CNTNAP3: variants seen among roughly 807,000 people sequenced by gnomAD.
CNTNAP3 encodes the protein contactin associated protein family member 3.
Under a neutral mutation model 92.1 loss-of-function variants are expected in CNTNAP3, and 36 were observed. The observed-to-expected ratio is 0.39, with a 90% CI of 0.30 to 0.52. CNTNAP3 has a LOEUF of 0.52. Ranked by LOEUF, CNTNAP3 falls within the 20% of genes least tolerant of loss-of-function variation. CNTNAP3 has a pLI of 0.76. For synonymous variants in CNTNAP3, 232 were observed against 422.3 expected (o/e 0.55, Z 5.53); for missense variants, 534 against 1,069.6 (o/e 0.50, Z 6.98).
At chr9:39,118,034 T>A in intron 14 of CNTNAP3, 69 bp downstream of exon 14, 1 of 1,586,202 alleles carries the variant, frequency 6.3e-7, no homozygotes. Context: ...TTGTCTGACA[T>A]TTAATTAACT....
In CNTNAP3 at chr9:39,067,184, C is replaced by T. The variant is rs1441896506; in HGVS notation, c.*6706G>A. Among the ~76,000 whole-genome samples, 2 of 152,310 alleles carry T rather than the reference C, an allele frequency of 1.3e-5. No homozygotes were observed. Among genetic ancestry groups the T allele is most frequent in the Non-Finnish European group, 2.9e-5 (2 of 68,058 alleles). ...TAATCTTATACATTAACATTGTCAT[C>T]TCTCGAAGTTTAATTAAAGCCTTTT... On this transcript the variant is annotated 3_prime_UTR_variant, in exon 24 of 24. Transcript: ENST00000297668.
At position 39,108,182 on chromosome 9, in the gene CNTNAP3, G is replaced by A. The variant is rs116595461; in HGVS notation, c.2365+978C>T. Among the ~76,000 whole-genome samples the A allele has an allele frequency of 2.4e-3, 372 of 152,158 alleles. 3 individuals are homozygous for A. The highest frequency in any genetic ancestry group is 8.5e-3 in the African/African-American group (353 of 41,518). On this transcript the variant is annotated intron_variant, in intron 15 of 23. Transcript: ENST00000297668. Reference sequence around the variant, plus strand: ...ACACAATCCATCAGCCCAGGTGGATGCTACACACACAGTGGGTAGGTCTGC... The same window carrying A: ...ACACAATCCATCAGCCCAGGTGGATACTACACACACAGTGGGTAGGTCTGC...
At chr9:39,149,378 C>A (rs1821784783) in intron 10 of CNTNAP3, among the ~76,000 whole-genome samples, 2 of 151,310 alleles carry the variant, frequency 1.3e-5, no homozygotes, top group South Asian at 4.2e-4. Context: ...GAGACGCAGT[C>A]TCGCTCTGTC....
In CNTNAP3 at chr9:39,103,824, A is replaced by T; in HGVS notation, c.2456T>A (p.Phe819Tyr). The T allele has an allele frequency of 1.2e-6, 2 of 1,611,338 alleles. No individual in the cohort carries two copies. The highest frequency in any genetic ancestry group is 1.7e-6 in the Non-Finnish European group (2 of 1,179,740). ...FHGELTADVC[F>Y]FFKTTVSSGV... The stretch of plus-strand genomic sequence containing the variant: ...GGAGGAAACTGTGGTCTTAAAAAAG[A>T]AGCACACGTCAGCAGTGAGTTCTCC... Residue 819 changes from phenylalanine to tyrosine, a missense_variant, in exon 16 of 24, where the codon TTC becomes TAC. Transcript: ENST00000297668.
At chr9:39,075,922 T>A (rs1482520692) in intron 23 of CNTNAP3, among the ~76,000 whole-genome samples, 1 of 152,310 alleles carries the variant, frequency 6.6e-6, no homozygotes, top group African/African-American at 2.4e-5. Context: ...GAAATTATAT[T>A]TCCTCCCCCA....
intron 13 of CNTNAP3, among the ~76,000 whole-genome samples, chr9:39,129,258 CAGT>C (rs1331020717): frequency 5.3e-5 from 8 of 152,164 alleles, no homozygotes; most frequent in African/African-American, 1.9e-4. Context: ...ATGTTCAAGA[CAGT>C]GTGATATTGG....
chr9:39,138,312 C>T (rs1002505231), intron 12 of CNTNAP3, among the ~76,000 whole-genome samples: 1 of 152,090 alleles, frequency 6.6e-6, no homozygotes, highest in African/African-American at 2.4e-5. Context: ...AGGTCTGAGT[C>T]CTTTAGGGAG....
intron 9 of CNTNAP3, among the ~76,000 whole-genome samples, chr9:39,151,072 G>C (rs1821832299): frequency 6.9e-6 from 1 of 145,510 alleles, no homozygotes; most frequent in East Asian, 2.0e-4. Flanking sequence ...CACAATAACT[G>C]TAAAATCTTT....
rs573308038 is a variant in CNTNAP3 at position 39,064,804 on chromosome 9, G to T, written c.*9086C>A. Reference sequence around the variant, plus strand: ...TTGACATTTGTATTGTACTGTGAAAGATTTATATGTATTTGTATAAAAAAT... The same window carrying T: ...TTGACATTTGTATTGTACTGTGAAATATTTATATGTATTTGTATAAAAAAT... On this transcript the variant is annotated 3_prime_UTR_variant, in exon 24 of 24. Coordinates refer to ENST00000297668, the MANE Select transcript of CNTNAP3 (RefSeq NM_033655.5). Among the ~76,000 whole-genome samples, 8 of 151,870 alleles carry T rather than the reference G, an allele frequency of 5.3e-5. No homozygotes were observed. The highest frequency in any genetic ancestry group is 8.9e-5 in the Non-Finnish European group (6 of 67,676).
At chr9:39,103,403 A>G in intron 16 of CNTNAP3, among the ~76,000 whole-genome samples, 1 of 152,090 alleles carries the variant, frequency 6.6e-6, no homozygotes, top group East Asian at 1.9e-4. Context: ...TCAACATGGG[A>G]AAACCCCACC....
chr9:39,110,492 A>G (rs142037194), intron 14 of CNTNAP3, among the ~76,000 whole-genome samples: 6,463 of 152,236 alleles, frequency 0.042, 439 homozygotes, highest in African/African-American at 0.14. Flanking sequence ...AGAGTAAAAA[A>G]TATATTTTAG....
rs1310488557 is a variant in CNTNAP3 at position 39,071,566 on chromosome 9, C to T, written c.*2324G>A. Reference sequence around the variant, plus strand: ...AGAAAAAAGTTGGGAAATTATTATGCTTTTACTTTTATGTTACAAAAGGGT... The same window carrying T: ...AGAAAAAAGTTGGGAAATTATTATGTTTTTACTTTTATGTTACAAAAGGGT... On this transcript the variant is annotated 3_prime_UTR_variant, in exon 24 of 24. Transcript: ENST00000297668. 6.6e-6 allele frequency among the ~76,000 whole-genome samples: 1 copy of T among 151,938 alleles called. No individual in the cohort carries two copies. Among genetic ancestry groups the T allele is most frequent in the Non-Finnish European group, 1.5e-5 (1 of 67,928 alleles).
At chr9:39,143,500 G>A (rs557133200) in intron 11 of CNTNAP3, among the ~76,000 whole-genome samples, 1 of 151,970 alleles carries the variant, frequency 6.6e-6, no homozygotes, top group Non-Finnish European at 1.5e-5. Context: ...ACTAGCTGGG[G>A]GCCAAGTTAC....
intron 13 of CNTNAP3, among the ~76,000 whole-genome samples, chr9:39,122,061 C>G (rs572001194): frequency 1.5e-4 from 23 of 152,234 alleles, no homozygotes; most frequent in African/African-American, 5.5e-4. Flanking sequence ...CCTAAGAGTA[C>G]AGGATGCTTC....
At chr9:39,152,854 G>A (rs1048565473) in intron 9 of CNTNAP3, among the ~76,000 whole-genome samples, 2 of 97,338 alleles carry the variant, frequency 2.1e-5, no homozygotes, top group Non-Finnish European at 3.8e-5. Flanking sequence ...TTTCAGTAGA[G>A]ACGGGGTTTC....
chr9:39,135,517 C>T (rs1821408752), intron 12 of CNTNAP3, among the ~76,000 whole-genome samples: 1 of 152,036 alleles, frequency 6.6e-6, no homozygotes, highest in Non-Finnish European at 1.5e-5. Context: ...CTGTTCCACT[C>T]CTGTTGCTCA....
At chr9:39,107,249 G>T (rs1402880973) in intron 15 of CNTNAP3, among the ~76,000 whole-genome samples, 2 of 147,720 alleles carry the variant, frequency 1.4e-5, no homozygotes, top group African/African-American at 5.0e-5. Flanking sequence ...AGGAAAGAAA[G>T]AAAGAAAAAG....
intron 23 of CNTNAP3, 94 bp downstream of exon 23, chr9:39,078,290 TA>T (rs1176844222): frequency 6.2e-7 from 1 of 1,602,368 alleles, no homozygotes; most frequent in Non-Finnish European, 8.5e-7. Flanking sequence ...CACCATTGAG[TA>T]TTGATTCTTA....
intron 10 of CNTNAP3, among the ~76,000 whole-genome samples, chr9:39,146,029 A>G (rs1284613522): frequency 4.0e-5 from 6 of 151,680 alleles, no homozygotes; most frequent in African/African-American, 1.5e-4. Context: ...ACAGGGAGAG[A>G]ATAACTTTAG....
Sources: allele counts gnomAD v4.1 joint callset (sites outside exome capture counted in the v4.1 genomes callset), GRCh38; gene constraint gnomAD v4.1.1; transcripts MANE v1.5; gene names NCBI Gene and HGNC (gene_info 2026-07-23, HGNC 2026-07-21).